The following STXBP6 variants were observed in gnomAD, a reference collection of about 807,000 sequenced individuals.
The protein encoded by STXBP6 is syntaxin binding protein 6.
In STXBP6, 21 loss-of-function variants were observed where a neutral mutation model predicts 26.9. The ratio of observed to expected loss-of-function variants is 0.78; its 90% CI spans 0.55 to 1.12. The LOEUF (loss-of-function observed/expected upper bound fraction) is 1.12. Ranked by LOEUF, STXBP6 falls within the 50% of genes most tolerant of loss-of-function variation. The probability of loss-of-function intolerance (pLI) is 0.00; values close to 1 mark genes in which losing one functional copy is unlikely to be tolerated. For synonymous variants in STXBP6, 97 were observed against 92.6 expected (o/e 1.05, Z -0.27); for missense variants, 232 against 257.9 (o/e 0.90, Z 0.69).
chr14:25,022,406 C>T (rs1420529667), intron 1 of STXBP6, among the ~76,000 whole-genome samples: 1 of 152,174 alleles, frequency 6.6e-6, no homozygotes, highest in Non-Finnish European at 1.5e-5. Context: ...CAACTTGAAT[C>T]AGAAGTCCAT....
At chr14:24,885,871 T>C (rs1204315065) in intron 2 of STXBP6, among the ~76,000 whole-genome samples, 1 of 152,218 alleles carries the variant, frequency 6.6e-6, no homozygotes, top group African/African-American at 2.4e-5. Flanking sequence ...ATGGATGCCC[T>C]TTTACTCCAT....
chr14:24,999,441 T>A (rs923646250), intron 1 of STXBP6, among the ~76,000 whole-genome samples: 1 of 152,144 alleles, frequency 6.6e-6, no homozygotes, highest in African/African-American at 2.4e-5. Context: ...CAACAACATG[T>A]ATTGATTGTC....
intron 1 of STXBP6, among the ~76,000 whole-genome samples, chr14:24,978,822 G>A (rs2074114733): frequency 6.6e-6 from 1 of 152,172 alleles, no homozygotes; most frequent in Admixed American, 6.5e-5. Flanking sequence ...AAGTAACTAG[G>A]AAATAAGACC....
chr14:24,853,082 G>T (rs1458893333), intron 4 of STXBP6, among the ~76,000 whole-genome samples: 1 of 152,094 alleles, frequency 6.6e-6, no homozygotes, highest in Non-Finnish European at 1.5e-5. Context: ...ACCAGTATTA[G>T]TTCTTTAAAA....
chr14:24,841,992 C>T (rs902982035), intron 4 of STXBP6, among the ~76,000 whole-genome samples: 1 of 152,136 alleles, frequency 6.6e-6, no homozygotes, highest in Non-Finnish European at 1.5e-5. Flanking sequence ...CCTGCTTCTC[C>T]TCATTGCCTT....
At chr14:24,894,899 T>C (rs1227684123) in intron 2 of STXBP6, among the ~76,000 whole-genome samples, 1 of 152,148 alleles carries the variant, frequency 6.6e-6, no homozygotes, top group African/African-American at 2.4e-5. Context: ...CTCTTTTTTT[T>C]TTTTTAATGC....
At position 24,983,151 on chromosome 14, in the gene STXBP6, C is replaced by T. The variant is rs539884622; in HGVS notation, c.-32-8301G>A. Among the ~76,000 whole-genome samples, 8 of 152,088 alleles carry T rather than the reference C, an allele frequency of 5.3e-5. No homozygotes were observed. The South Asian group carries it at 1.2e-3, about 24-fold the overall frequency. On this transcript the variant is annotated intron_variant, in intron 1 of 5. Coordinates refer to ENST00000323944, the MANE Select transcript of STXBP6 (RefSeq NM_001394410.1). ...CTCATTGGTGTATTATGGATACTGA[C>T]GAGATTATCAATCTAAAACATAGAA...
At chr14:24,848,396 A>C (rs2069034746) in intron 4 of STXBP6, among the ~76,000 whole-genome samples, 1 of 152,150 alleles carries the variant, frequency 6.6e-6, no homozygotes, top group South Asian at 2.1e-4. Flanking sequence ...TTCTAGATCA[A>C]GCTGTATATT....
chr14:24,869,959 C>T (rs1213165606), intron 2 of STXBP6, among the ~76,000 whole-genome samples: 1 of 152,014 alleles, frequency 6.6e-6, no homozygotes, highest in African/African-American at 2.4e-5. Flanking sequence ...AGTATGGTTC[C>T]CTAGTTTTAC....
At chr14:24,876,299 A>G (rs1028415568) in intron 2 of STXBP6, among the ~76,000 whole-genome samples, 3 of 152,254 alleles carry the variant, frequency 2.0e-5, no homozygotes, top group Non-Finnish European at 4.4e-5. Flanking sequence ...ATCCTGGCCA[A>G]GAATTCTGGA....
chr14:24,997,551 G>A (rs1304360230), intron 1 of STXBP6, among the ~76,000 whole-genome samples: 1 of 152,148 alleles, frequency 6.6e-6, no homozygotes, highest in Admixed American at 6.5e-5. Flanking sequence ...AACTCCTAGT[G>A]CTCAGTATCA....
Position 25,002,205 on chromosome 14 carries a change from A to G in STXBP6, c.-32-27355T>C, listed in dbSNP as rs535924080. Among the ~76,000 whole-genome samples the G allele has an allele frequency of 1.6e-4, 24 of 152,346 alleles. No homozygotes were observed. The East Asian group carries it at 4.2e-3, about 27-fold the overall frequency. On this transcript the variant is annotated intron_variant, in intron 1 of 5. Coordinates refer to ENST00000323944, the MANE Select transcript of STXBP6 (RefSeq NM_001394410.1). ...GCTAGATTAATACTTTCAGGATACT[A>G]TAAGTGAATTAAAATTCAGAAAAAA...
In STXBP6 at chr14:24,809,599, CAT is replaced by C. The variant is rs755966502; in HGVS notation, c.*3108_*3109del. 9 of 152,150 alleles carry C rather than the reference CAT, an allele frequency of 5.9e-5. No homozygotes were observed. Among genetic ancestry groups the C allele is most frequent in the Non-Finnish European group, 1.3e-4 (9 of 68,034 alleles). The allele number at this position is 152,150 out of a possible 1,614,324, so 9.4% of individuals were successfully genotyped here. A position where few individuals can be genotyped will look rare whatever the true frequency, so the allele number is the denominator to read the frequency against. ...CCTATTAGCATAAAAAATGTGGTGACATGTACTTATTTGGTAGTGTTTTATAG... is the reference window on the plus strand; with the variant it reads ...CCTATTAGCATAAAAAATGTGGTGACGTACTTATTTGGTAGTGTTTTATAG... On this transcript the variant is annotated 3_prime_UTR_variant, in exon 6 of 6. Coordinates refer to ENST00000323944, the MANE Select transcript of STXBP6 (RefSeq NM_001394410.1).
At chr14:24,892,882 A>G (rs2070845320) in intron 2 of STXBP6, among the ~76,000 whole-genome samples, 1 of 152,210 alleles carries the variant, frequency 6.6e-6, no homozygotes, top group Non-Finnish European at 1.5e-5. Context: ...GTTCTCAACT[A>G]TCAATTACTG....
At chr14:24,880,917 C>T (rs1244240264) in intron 2 of STXBP6, among the ~76,000 whole-genome samples, 6 of 152,122 alleles carry the variant, frequency 3.9e-5, no homozygotes, top group Admixed American at 1.3e-4. Context: ...CATAAGGTTC[C>T]GACATTCATC....
chr14:24,925,538 C>T (rs988392702), intron 2 of STXBP6, among the ~76,000 whole-genome samples: 1 of 152,166 alleles, frequency 6.6e-6, no homozygotes, highest in Non-Finnish European at 1.5e-5. Context: ...AAGCCTCTGT[C>T]CTGTTCAGTC....
chr14:24,941,503 A>C (rs2072801698), intron 2 of STXBP6, among the ~76,000 whole-genome samples: 1 of 152,222 alleles, frequency 6.6e-6, no homozygotes, highest in African/African-American at 2.4e-5. Flanking sequence ...ACTGGCATGA[A>C]GGTTGTATGT....
intron 2 of STXBP6, among the ~76,000 whole-genome samples, chr14:24,878,443 T>C (rs2070227627): frequency 6.6e-6 from 1 of 152,106 alleles, no homozygotes; most frequent in African/African-American, 2.4e-5. Flanking sequence ...TCTAACACCA[T>C]TTCTTAACAC....
At chr14:24,859,714 T>C (rs1165205023) in intron 2 of STXBP6, among the ~76,000 whole-genome samples, 1 of 152,140 alleles carries the variant, frequency 6.6e-6, no homozygotes, top group Non-Finnish European at 1.5e-5. Context: ...AGCTGCATGC[T>C]AGAGACTCCC....
Sources: gnomAD v4.1 joint callset for allele counts (sites outside exome capture counted in the v4.1 genomes callset) on GRCh38, gnomAD v4.1.1 for gene constraint, MANE v1.5 for transcripts, NCBI Gene and HGNC (gene_info 2026-07-23, HGNC 2026-07-21) for gene names.